The following TFAM variants were observed in gnomAD, a reference collection of about 807,000 sequenced individuals.
TFAM encodes the protein mitochondrial transcription factor 1.
Under a neutral mutation model 30.6 loss-of-function variants are expected in TFAM, and 13 were observed. That is an observed-to-expected ratio of 0.42 (90% confidence interval 0.28 to 0.67). The LOEUF (loss-of-function observed/expected upper bound fraction) is 0.67, where lower values mean the gene tolerates loss of function less well. Among genes scored for constraint, TFAM ranks in the 30% least tolerant of loss-of-function variants. The pLI is 0.21. For synonymous variants in TFAM, 106 were observed against 94.8 expected (o/e 1.12, Z -0.69); for missense variants, 231 against 293.7 (o/e 0.79, Z 1.56).
At position 58,395,006 on chromosome 10, in the gene TFAM, G is replaced by T. The variant is rs748258782; in HGVS notation, c.673G>T (p.Val225Phe). ...GTCTTGGGAAGAACAAATGATTGAA[G>T]TTGGACGAAAGGATCTTCTACGTCG... The part of the protein sequence containing the change: ...MKSWEEQMIE[V>F]GRKDLLRRTI... The change falls in exon 7 of 7, where the codon GTT becomes TTT. Residue 225 changes from valine (V) to phenylalanine (F), a missense_variant. Coordinates refer to ENST00000487519, the MANE Select transcript of TFAM (RefSeq NM_003201.3). 6.2e-7 allele frequency: 1 copy of T among 1,613,790 alleles called. No homozygotes were observed. The highest frequency in any genetic ancestry group is 1.7e-5 in the Admixed American group (1 of 60,020).
chr10:58,387,750 C>G (rs942354236), intron 2 of TFAM, among the ~76,000 whole-genome samples: 1 of 151,808 alleles, frequency 6.6e-6, no homozygotes, highest in Non-Finnish European at 1.5e-5. Flanking sequence ...GGCAGCATAG[C>G]GAAACCCCGT....
rs1477781533 is a variant in TFAM, at chr10:58,398,417, G to A, written c.*3343G>A. 6.6e-6 allele frequency: 1 copy of A among 152,216 alleles called. No homozygotes were observed. The highest frequency in any genetic ancestry group is 1.9e-4 in the East Asian group (1 of 5,194). 9.4% of individuals were successfully genotyped at this position (152,216 alleles called of 1,614,324 possible). ...TTTTACAAAAGTAATTTGATGAGGG[G>A]AAGGAGGGTTGTGTATTTATTTTAC... On this transcript the variant is annotated 3_prime_UTR_variant, in exon 7 of 7. Coordinates refer to ENST00000487519, the MANE Select transcript of TFAM (RefSeq NM_003201.3).
At chr10:58,389,031 C>A (rs867338263) in intron 4 of TFAM, among the ~76,000 whole-genome samples, 2 of 152,148 alleles carry the variant, frequency 1.3e-5, no homozygotes, top group African/African-American at 4.8e-5. Flanking sequence ...ATCCTTGTTG[C>A]TACTTGCAGA....
rs764899727 is a variant in TFAM at position 58,386,211 on chromosome 10, T to G, written c.102-9T>G. On this transcript the variant is annotated splice_polypyrimidine_tract_variant and intron_variant, in intron 1 of 6. Transcript: ENST00000487519. ...TGACACTGGTTATTTTCTTTTTGTT[T>G]ATATGTAGTTTTGTGTATTTACCGA... 41 of 1,562,084 alleles carry G rather than the reference T, an allele frequency of 2.6e-5. No individual in the cohort carries two copies. The highest frequency in any genetic ancestry group is 3.4e-5 in the Non-Finnish European group (38 of 1,133,108).
Position 58,386,229 on chromosome 10 carries a change from T to A in TFAM, c.111T>A (p.Tyr37Ter), listed in dbSNP as rs772690212. The A allele has an allele frequency of 6.2e-7, 1 of 1,609,902 alleles. No homozygotes were observed. The highest frequency in any genetic ancestry group is 8.5e-7 in the Non-Finnish European group (1 of 1,176,504). Residue 37 changes from tyrosine to a stop codon, truncating the protein, a stop_gained, in exon 2 of 7, where the codon TAT (tyrosine) becomes TAA (stop). Transcript: ENST00000487519. LOFTEE classifies it high-confidence loss of function. Reference protein sequence around the residue: ...SRLRSPFSFVYLPRWFSSVLA... With the variant: ...SRLRSPFSFV Reference sequence around the variant, plus strand: ...TTTTGTTTATATGTAGTTTTGTGTATTTACCGAGGTGGTTTTCATCTGTCT... The same window carrying A: ...TTTTGTTTATATGTAGTTTTGTGTAATTACCGAGGTGGTTTTCATCTGTCT...
In TFAM at chr10:58,398,843, A is replaced by G. The variant is rs1339675533; in HGVS notation, c.*3769A>G. The G allele has an allele frequency of 6.6e-6, 1 of 152,194 alleles. No individual in the cohort carries two copies. Among genetic ancestry groups the G allele is most frequent in the Non-Finnish European group, 1.5e-5 (1 of 68,030 alleles). 9.4% of individuals were successfully genotyped at this position (152,194 alleles called of 1,614,324 possible). A position where few individuals can be genotyped will look rare whatever the true frequency, so the allele number is the denominator to read the frequency against. ...ACAGCCATTCTCCCTCCTTCTCTTC[A>G]TAACATCAAGCTGTCACAGACAAAT... On this transcript the variant is annotated 3_prime_UTR_variant, in exon 7 of 7. Coordinates refer to ENST00000487519, the MANE Select transcript of TFAM (RefSeq NM_003201.3).
At position 58,390,548 on chromosome 10, in the gene TFAM, T is replaced by G. The variant is rs540439961; in HGVS notation, c.442-217T>G. ...GAATAATAGGTAAAGGAAATGGTTTTGTATGGAAAATAACTGGTGAAATCT... is the reference window on the plus strand; with the variant it reads ...GAATAATAGGTAAAGGAAATGGTTTGGTATGGAAAATAACTGGTGAAATCT... On this transcript the variant is annotated intron_variant, in intron 4 of 6. Transcript: ENST00000487519. Among the ~76,000 whole-genome samples, 6 of 152,326 alleles carry G rather than the reference T, an allele frequency of 3.9e-5. No homozygotes were observed. The South Asian group carries it at 1.2e-3, about 32-fold the overall frequency.
rs1306193788 is a variant in TFAM, at chr10:58,397,981, A to T, written c.*2907A>T. On this transcript the variant is annotated 3_prime_UTR_variant, in exon 7 of 7. Coordinates refer to ENST00000487519, the MANE Select transcript of TFAM (RefSeq NM_003201.3). ...GCTATGTTGCCCAGGCTGGTCTCAA[A>T]CTCCTGGCATCAAGCGTTCCTCCTT... is the stretch of plus-strand genomic sequence containing the variant. The T allele has an allele frequency of 6.6e-6, 1 of 151,802 alleles. No individual in the cohort carries two copies. The highest frequency in any genetic ancestry group is 6.6e-5 in the Admixed American group (1 of 15,188). The allele number at this position is 151,802 out of a possible 1,614,324, so 9.4% of individuals were successfully genotyped here.
chr10:58,393,642 A>G (rs969757628), intron 5 of TFAM, among the ~76,000 whole-genome samples: 2 of 152,112 alleles, frequency 1.3e-5, no homozygotes, highest in Non-Finnish European at 2.9e-5. Flanking sequence ...AATCCTAACA[A>G]TTTGGGAAGC....
chr10:58,390,545 T>A (rs1464574440), intron 4 of TFAM, among the ~76,000 whole-genome samples: 2 of 152,212 alleles, frequency 1.3e-5, no homozygotes, highest in Non-Finnish European at 2.9e-5. Context: ...AAGGAAATGG[T>A]TTTGTATGGA....
chr10:58,388,646 C>G (rs1225022171), intron 3 of TFAM, 24 bp from the exon 4 acceptor site: 1 of 1,609,096 alleles, frequency 6.2e-7, no homozygotes, highest in South Asian at 1.1e-5. Context: ...GGTTTGTTGA[C>G]TTACTTGGGT....
intron 1 of TFAM, among the ~76,000 whole-genome samples, 163 bp from the exon 2 acceptor site, chr10:58,386,056 CT>C (rs1188111531): frequency 6.6e-6 from 1 of 150,884 alleles, no homozygotes; most frequent in Admixed American, 6.6e-5. Context: ...AGACGCTCCC[CT>C]CCGTTTAGGA....
At chr10:58,388,602 C>T in intron 3 of TFAM, 68 bp from the exon 4 acceptor site, 1 of 1,566,914 alleles carries the variant, frequency 6.4e-7, no homozygotes, top group Non-Finnish European at 8.8e-7. Context: ...AGTTGCCTTT[C>T]CCTGGCATGT....
At chr10:58,386,558 A>G in intron 2 of TFAM, 2 of 787,406 alleles carry the variant, frequency 2.5e-6, no homozygotes, top group Non-Finnish European at 3.7e-6. Flanking sequence ...ATAGTGTAGA[A>G]AGCACCCTAG....
At chr10:58,393,192 G>T (rs909571524) in intron 5 of TFAM, among the ~76,000 whole-genome samples, 2 of 151,856 alleles carry the variant, frequency 1.3e-5, no homozygotes, top group Admixed American at 1.3e-4. Flanking sequence ...TATTGGCCAG[G>T]CTGGTCTCGA....
chr10:58,389,515 A>G (rs1840552542), intron 4 of TFAM, among the ~76,000 whole-genome samples: 1 of 152,218 alleles, frequency 6.6e-6, no homozygotes, highest in Admixed American at 6.5e-5. Context: ...GAAAGACTAG[A>G]TTACAGCCTT....
rs1263112616 is a variant in TFAM, at chr10:58,388,100, G to T, written c.221-90G>T. Reference sequence around the variant, plus strand: ...TAAATCATTATATTAAGTTATGTGTGGTATGGATTGTGCTTTCCTGGATAT... The same window carrying T: ...TAAATCATTATATTAAGTTATGTGTTGTATGGATTGTGCTTTCCTGGATAT... On this transcript the variant is annotated intron_variant, in intron 2 of 6. Transcript: ENST00000487519. 4 of 929,082 alleles carry T rather than the reference G, an allele frequency of 4.3e-6. No homozygotes were observed. In the East Asian group the frequency reaches 9.7e-5, roughly 23 times the overall value. 57.6% of individuals were successfully genotyped at this position (929,082 alleles called of 1,614,324 possible).
chr10:58,386,361 C>G, intron 2 of TFAM, 23 bp downstream of exon 2: 1 of 1,501,374 alleles, frequency 6.7e-7, no homozygotes. Context: ...GGGGCATATA[C>G]CCTTTTCTCA....
intron 3 of TFAM, among the ~76,000 whole-genome samples, 171 bp from the exon 4 acceptor site, chr10:58,388,499 T>C (rs926496916): frequency 2.6e-5 from 4 of 152,232 alleles, no homozygotes; most frequent in Non-Finnish European, 1.5e-5. Flanking sequence ...TTGATTAGTA[T>C]ATATAAGGAA....
Sources: gnomAD v4.1 joint callset for allele counts (sites outside exome capture counted in the v4.1 genomes callset) on GRCh38, gnomAD v4.1.1 for gene constraint, MANE v1.5 for transcripts, NCBI Gene and HGNC (gene_info 2026-07-23, HGNC 2026-07-21) for gene names.